The following IQCH variants were observed in gnomAD, a reference collection of about 807,000 sequenced individuals.
IQCH encodes the protein IQ motif containing H, also known as IQ domain-containing protein H.
IQCH carries 98 observed loss-of-function variants against 117.0 expected under a neutral mutation model. That is an observed-to-expected ratio of 0.84 (90% CI 0.71 to 0.99). The LOEUF is 0.99. IQCH is among the 50% of genes least tolerant of loss of function. The pLI is 0.00. For missense variants in IQCH, 1,102 were observed against 1,243.8 expected (o/e 0.89, Z 1.72); for synonymous variants, 412 against 448.2 (o/e 0.92, Z 1.02).
chr15:67,339,489 C>G (rs1228501988), intron 5 of IQCH, among the ~76,000 whole-genome samples: 1 of 152,156 alleles, frequency 6.6e-6, no homozygotes, highest in Non-Finnish European at 1.5e-5. Flanking sequence ...TTCCCCTTCA[C>G]CAGACAGAAT....
intron 20 of IQCH, among the ~76,000 whole-genome samples, chr15:67,498,542 G>A (rs889199207): frequency 6.6e-6 from 1 of 151,894 alleles, no homozygotes; most frequent in African/African-American, 2.4e-5. Context: ...CTTGAACTCA[G>A]GAGGCAAAGG....
In IQCH at chr15:67,431,325, G is replaced by C. The variant is rs550750901; in HGVS notation, c.2505+9748G>C. ...TTCTTTCAGAACAAGATCATGTCCT[G>C]CATTTGCAGGGACATGGATGTAGCT... On this transcript the variant is annotated intron_variant, in intron 16 of 20. Transcript: ENST00000335894. The surrounding 1 kb of genome is among the most constrained non-coding windows in gnomAD (Gnocchi z 4.8). Among the ~76,000 whole-genome samples the C allele has an allele frequency of 6.6e-6, 1 of 152,250 alleles. No homozygotes were observed. The highest frequency in any genetic ancestry group is 2.4e-5 in the African/African-American group (1 of 41,534).
intron 17 of IQCH, among the ~76,000 whole-genome samples, chr15:67,470,201 C>T (rs749628631): frequency 2.6e-5 from 4 of 152,168 alleles, no homozygotes; most frequent in Admixed American, 1.3e-4. Context: ...GACGGAGTCT[C>T]GCTCTGTCGC....
intron 4 of IQCH, among the ~76,000 whole-genome samples, chr15:67,292,537 G>A (rs1322149382): frequency 6.6e-6 from 1 of 152,128 alleles, no homozygotes; most frequent in Non-Finnish European, 1.5e-5. Context: ...ACAGGGGTAA[G>A]CCAGCTCCCA....
At chr15:67,316,650 A>G (rs945228002) in intron 4 of IQCH, among the ~76,000 whole-genome samples, 1 of 152,186 alleles carries the variant, frequency 6.6e-6, no homozygotes, top group Non-Finnish European at 1.5e-5. Flanking sequence ...GGATCATCTC[A>G]TGTAATCTTC....
intron 4 of IQCH, among the ~76,000 whole-genome samples, chr15:67,326,539 C>T (rs1968417773): frequency 6.6e-6 from 1 of 152,146 alleles, no homozygotes; most frequent in Non-Finnish European, 1.5e-5. Flanking sequence ...CAGGAGTCGC[C>T]ACACTGTCTT....
At position 67,404,377 on chromosome 15, in the gene IQCH, G is replaced by T. The variant is rs1037336291; in HGVS notation, c.2097+4072G>T. On this transcript the variant is annotated intron_variant, in intron 14 of 20. Transcript: ENST00000335894. This position sits in a 1 kb window ranked among gnomAD's most constrained non-coding sequence, Gnocchi z 4.6. Reference sequence around the variant, plus strand: ...TGAAGACCTCTGTCCATTCAGAATGGCCCTGGAACTAGGTCACAGGAGCCA... The same window carrying T: ...TGAAGACCTCTGTCCATTCAGAATGTCCCTGGAACTAGGTCACAGGAGCCA... 6.6e-6 allele frequency: 1 copy of T among 152,074 alleles called. No individual in the cohort carries two copies. The highest frequency in any genetic ancestry group is 2.4e-5 in the African/African-American group (1 of 41,406). 9.4% of individuals were successfully genotyped at this position (152,074 alleles called of 1,614,324 possible). A position where few individuals can be genotyped will look rare whatever the true frequency, so the allele number is the denominator to read the frequency against.
At position 67,403,014 on chromosome 15, in the gene IQCH, A is replaced by G. The variant is rs1002043560; in HGVS notation, c.2097+2709A>G. The stretch of plus-strand genomic sequence containing the variant: ...TGTAATCCTAGCACTCTGGGAGGCC[A>G]AGGCGGGTGAATCACCTGAGGTCAG... On this transcript the variant is annotated intron_variant, in intron 14 of 20. Transcript: ENST00000335894. The surrounding 1 kb of genome is among the most constrained non-coding windows in gnomAD (Gnocchi z 4.8). Among the ~76,000 whole-genome samples, 1 of 152,170 alleles carries G rather than the reference A, an allele frequency of 6.6e-6. No individual in the cohort carries two copies. The highest frequency in any genetic ancestry group is 1.5e-5 in the Non-Finnish European group (1 of 68,016).
intron 4 of IQCH, among the ~76,000 whole-genome samples, chr15:67,321,700 T>C (rs1404681096): frequency 1.3e-5 from 2 of 152,084 alleles, no homozygotes; most frequent in Non-Finnish European, 2.9e-5. Flanking sequence ...CCTTGGCTTT[T>C]ATCAGAAGCC....
intron 3 of IQCH, among the ~76,000 whole-genome samples, chr15:67,279,101 T>A (rs1966244960): frequency 6.6e-6 from 1 of 152,220 alleles, no homozygotes; most frequent in Non-Finnish European, 1.5e-5. Flanking sequence ...TTACCAAGAA[T>A]GTTTTATAGT....
chr15:67,460,011 T>G (rs1299910005), intron 16 of IQCH: 1 of 152,118 alleles, frequency 6.6e-6, no homozygotes, highest in African/African-American at 2.4e-5. Context: ...TTAGCAGGGT[T>G]TGGTGGTGCA....
At position 67,466,143 on chromosome 15, in the gene IQCH, G is replaced by A. The variant is rs1051836611; in HGVS notation, c.2676+846G>A. ...TTATTGCTAGCTCCATCAGTGAGGG[G>A]GCTGGGGCCAGAGTCCTGGGGCTGG... On this transcript the variant is annotated intron_variant, in intron 17 of 20. Coordinates refer to ENST00000335894, the MANE Select transcript of IQCH (RefSeq NM_001031715.3). This position sits in a 1 kb window ranked among gnomAD's most constrained non-coding sequence, Gnocchi z 4.4. Among the ~76,000 whole-genome samples, 2 of 152,192 alleles carry A rather than the reference G, an allele frequency of 1.3e-5. No individual in the cohort carries two copies. The highest frequency in any genetic ancestry group is 2.9e-5 in the Non-Finnish European group (2 of 68,034).
intron 6 of IQCH, among the ~76,000 whole-genome samples, chr15:67,349,591 A>G (rs1200978423): frequency 7.3e-6 from 1 of 136,962 alleles, no homozygotes; most frequent in Non-Finnish European, 1.5e-5. Context: ...GGGCAACAAG[A>G]GCAAGACTCC....
chr15:67,395,906 G>A lies in IQCH; in HGVS notation c.1905+343G>A, dbSNP rs528566558. Among the ~76,000 whole-genome samples the A allele has an allele frequency of 2.4e-4, 36 of 151,988 alleles. No individual in the cohort carries two copies. The highest frequency in any genetic ancestry group is 2.2e-3 in the Admixed American group (34 of 15,256). ...GCTGGTCTCGAACTCCTGACCTCTA[G>A]TGATCTGCCCACCTCAGCCTCCCAA... On this transcript the variant is annotated intron_variant, in intron 13 of 20. Coordinates refer to ENST00000335894, the MANE Select transcript of IQCH (RefSeq NM_001031715.3). This position sits in a 1 kb window ranked among gnomAD's most constrained non-coding sequence, Gnocchi z 4.0.
intron 4 of IQCH, among the ~76,000 whole-genome samples, chr15:67,286,696 G>T (rs1966577266): frequency 1.3e-5 from 2 of 151,908 alleles, no homozygotes; most frequent in African/African-American, 4.8e-5. Flanking sequence ...TGTCACCTCT[G>T]CTTCCCAGGT....
At chr15:67,316,264 G>A (rs995820561) in intron 4 of IQCH, among the ~76,000 whole-genome samples, 3 of 152,114 alleles carry the variant, frequency 2.0e-5, no homozygotes, top group Non-Finnish European at 2.9e-5. Flanking sequence ...ACCCAAGAGA[G>A]CAGTAGCATT....
In IQCH at chr15:67,493,631, C is replaced by T. The variant is rs1007997100; in HGVS notation, c.2862-627C>T. ...ATCATTCGGCAAGGATCACACTTAG[C>T]GACAGTTCTCCTAAAGTAACTTAAA... On this transcript the variant is annotated intron_variant, in intron 19 of 20. Transcript: ENST00000335894. The surrounding 1 kb of genome is among the most constrained non-coding windows in gnomAD (Gnocchi z 5.1). Among the ~76,000 whole-genome samples, 2 of 152,164 alleles carry T rather than the reference C, an allele frequency of 1.3e-5. No homozygotes were observed. The highest frequency in any genetic ancestry group is 2.4e-5 in the African/African-American group (1 of 41,426).
At chr15:67,438,088 C>T (rs1344981845) in intron 16 of IQCH, among the ~76,000 whole-genome samples, 1 of 152,150 alleles carries the variant, frequency 6.6e-6, no homozygotes, top group Non-Finnish European at 1.5e-5. Flanking sequence ...TACCTAGGCA[C>T]ATTGTCATCA....
chr15:67,262,099 A>AG (rs398118957), intron 2 of IQCH, among the ~76,000 whole-genome samples: 1 of 151,792 alleles, frequency 6.6e-6, no homozygotes, highest in Non-Finnish European at 1.5e-5. Context: ...AAAAAAAAAA[A>AG]GTATATAAAA....
Sources: gnomAD v4.1 joint callset for allele counts (sites outside exome capture counted in the v4.1 genomes callset) on GRCh38, gnomAD v4.1.1 for gene constraint, Gnocchi (gnomAD v3.1) non-coding constraint, MANE v1.5 for transcripts, NCBI Gene and HGNC (gene_info 2026-07-23, HGNC 2026-07-21) for gene names.